Variants in PRR12 observed in about 807,000 individuals in gnomAD.
PRR12 encodes proline-rich protein 12.
In PRR12, 12 loss-of-function variants were observed where a neutral mutation model predicts 138.0. That is an observed-to-expected ratio of 0.09 (90% CI 0.06 to 0.14). PRR12 has a LOEUF of 0.14. Ranked by LOEUF, PRR12 falls within the 10% of genes least tolerant of loss-of-function variation. The probability of loss-of-function intolerance (pLI) is 1.00; values close to 1 mark genes in which losing one functional copy is unlikely to be tolerated. For missense variants in PRR12, 2,692 were observed against 2,861.3 expected, an observed-to-expected ratio of 0.94 and a Z score of 1.35; for synonymous variants, 1,567 against 1,291.7, an observed-to-expected ratio of 1.21 and a Z score of -4.57.
intron 6 of PRR12, among the ~76,000 whole-genome samples, chr19:49,613,494 C>CAA (rs1035744456): frequency 3.9e-5 from 6 of 152,224 alleles, no homozygotes; most frequent in Admixed American, 6.5e-5. Flanking sequence ...CAGTGTGACT[C>CAA]ACGTCCATCA....
At chr19:49,598,332 C>T (rs1449999080) in intron 4 of PRR12, among the ~76,000 whole-genome samples, 1 of 152,116 alleles carries the variant, frequency 6.6e-6, no homozygotes, top group Non-Finnish European at 1.5e-5. Flanking sequence ...CCTCGGCCTC[C>T]CAAAGTGCTG....
At chr19:49,610,811 G>A (rs966664818) in intron 6 of PRR12, among the ~76,000 whole-genome samples, 7 of 151,724 alleles carry the variant, frequency 4.6e-5, no homozygotes, top group South Asian at 2.1e-4. Flanking sequence ...CCAAAGTGCT[G>A]GGATTACAGA....
Position 49,615,796 on chromosome 19 carries a change from C to T in PRR12, c.5074C>T (p.Pro1692Ser). The change falls in exon 9 of 14, where the codon CCT (proline) becomes TCT (serine). Residue 1692 changes from proline (P) to serine (S), a missense_variant. Physicochemically the swap from Pro to Ser is moderately conservative, Grantham distance 74. Transcript: ENST00000418929. ...NPVSAGGSSA[P>S]PPKAPAPPPK... is the part of the protein sequence containing the mutation. ...CGTATCTGCTGGGGGTAGCTCTGCA[C>T]CTCCCCCTAAGGCCCCAGCACCACC... is the stretch of plus-strand genomic sequence containing the variant. 3.1e-6 allele frequency: 5 copies of T among 1,613,048 alleles called. No individual in the cohort carries two copies. The highest frequency in any genetic ancestry group is 4.2e-6 in the Non-Finnish European group (5 of 1,179,512).
In PRR12 at chr19:49,599,706, G is replaced by A. The variant is rs2080798742; in HGVS notation, c.4113G>A (p.Lys1371=). The change falls in exon 5 of 14, where the codon AAG becomes AAA. Residue 1371 remains lysine, a synonymous_variant. Transcript: ENST00000418929. This position sits in a 1 kb window ranked among gnomAD's most constrained non-coding sequence, Gnocchi z 5.0. Reference sequence around the variant, plus strand: ...GCAAGCGGCTTGATGAGGAGCTGAAGCGGAACCTCGAGACGCTGCCCTCCT... The same window carrying A: ...GCAAGCGGCTTGATGAGGAGCTGAAACGGAACCTCGAGACGCTGCCCTCCT... The part of the protein sequence containing the change: ...SPCKRLDEEL[K]RNLETLPSFS... The A allele has an allele frequency of 6.2e-7, 1 of 1,613,426 alleles. No individual in the cohort carries two copies. Among genetic ancestry groups the A allele is most frequent in the Admixed American group, 1.7e-5 (1 of 60,010 alleles).
At chr19:49,623,493 G>A (rs2080936234) in intron 11 of PRR12, among the ~76,000 whole-genome samples, 1 of 152,104 alleles carries the variant, frequency 6.6e-6, no homozygotes, top group African/African-American at 2.4e-5. Flanking sequence ...TTAGCCGGGT[G>A]TGGTGGTGGG....
chr19:49,618,773 G>T (rs543624616), intron 9 of PRR12, among the ~76,000 whole-genome samples: 2 of 148,446 alleles, frequency 1.3e-5, no homozygotes, highest in South Asian at 2.3e-4. Context: ...CCCTTTCCCA[G>T]GCCTGCCCAG....
chr19:49,625,055 G>C lies in PRR12; in HGVS notation c.5869-50G>C, dbSNP rs762092881. On this transcript the variant is annotated intron_variant, in intron 12 of 13. Coordinates refer to ENST00000418929, the MANE Select transcript of PRR12 (RefSeq NM_020719.3). The surrounding 1 kb of genome is among the most constrained non-coding windows in gnomAD (Gnocchi z 5.5). ...CGGTATGTGGGAAGGGAGGAGAGGGGCTGCCAAGTGCCGGGCTGGAGGGGC... is the reference window on the plus strand; with the variant it reads ...CGGTATGTGGGAAGGGAGGAGAGGGCCTGCCAAGTGCCGGGCTGGAGGGGC... 1 of 1,612,066 alleles carries C rather than the reference G, an allele frequency of 6.2e-7. No homozygotes were observed. Among genetic ancestry groups the C allele is most frequent in the Admixed American group, 1.7e-5 (1 of 59,952 alleles).
chr19:49,594,409 C>A lies in PRR12; in HGVS notation c.200-45C>A. The A allele has an allele frequency of 6.7e-7, 1 of 1,501,662 alleles. No individual in the cohort carries two copies. The highest frequency in any genetic ancestry group is 8.9e-7 in the Non-Finnish European group (1 of 1,117,544). The allele number at this position is 1,501,662 out of a possible 1,614,324, so 93.0% of individuals were successfully genotyped here. ...CTTCCCTTTCTCTCTTGACTGTATC[C>A]TACCCACCCCCACCTGGCTGACTAT... On this transcript the variant is annotated intron_variant, in intron 2 of 13. Coordinates refer to ENST00000418929, the MANE Select transcript of PRR12 (RefSeq NM_020719.3). The surrounding 1 kb of genome is among the most constrained non-coding windows in gnomAD (Gnocchi z 5.6).
At position 49,616,051 on chromosome 19, in the gene PRR12, G is replaced by A; in HGVS notation, c.5329G>A (p.Ala1777Thr). 1 of 1,561,480 alleles carries A rather than the reference G, an allele frequency of 6.4e-7. No individual in the cohort carries two copies. Among genetic ancestry groups the A allele is most frequent in the Non-Finnish European group, 8.7e-7 (1 of 1,153,378 alleles). Residue 1777 changes from alanine to threonine, a missense_variant, in exon 9 of 14, where the codon GCC becomes ACC. Transcript: ENST00000418929. This position sits in a 1 kb window ranked among gnomAD's most constrained non-coding sequence, Gnocchi z 4.2. Reference protein sequence around the residue: ...PERSLATGQPATSRLPKARPT... With the variant: ...PERSLATGQPTTSRLPKARPT... The stretch of plus-strand genomic sequence containing the variant: ...GCGGAGTCTCGCCACGGGACAACCT[G>A]CCACATCCCGGCTGCCCAAAGCCCG...
Position 49,596,782 on chromosome 19 carries a change from C to T in PRR12, c.2447C>T (p.Ala816Val), listed in dbSNP as rs761902754. ...CATGCCCCCAGTCCCTCTCCCAGCG[C>T]CTCCAAAGTCGGCGTCCACCTCCTT... ...LSHAPSPSPS[A>V]SKVGVHLLEP... Residue 816 changes from alanine to valine, a missense_variant, in exon 4 of 14, where the codon GCC becomes GTC. This residue lies in a region of PRR12 where 840 missense variants were observed against 689.8 expected (regional missense o/e 1.22). Coordinates refer to ENST00000418929, the MANE Select transcript of PRR12 (RefSeq NM_020719.3). This position sits in a 1 kb window ranked among gnomAD's most constrained non-coding sequence, Gnocchi z 5.6. The T allele has an allele frequency of 3.7e-6, 6 of 1,602,776 alleles. No individual in the cohort carries two copies. Among genetic ancestry groups the T allele is most frequent in the Non-Finnish European group, 5.1e-6 (6 of 1,179,352 alleles).
Position 49,614,668 on chromosome 19 carries a change from C to T in PRR12, c.4890+19C>T, listed in dbSNP as rs372586287. 2.0e-5 allele frequency: 31 copies of T among 1,550,036 alleles called. No individual in the cohort carries two copies. In the African/African-American group the frequency reaches 3.3e-4, roughly 16 times the overall value. The stretch of plus-strand genomic sequence containing the variant: ...CAGTAATGTAAGCCTGCAAAGGGGA[C>T]CAAGGACTTGGGGGCCCCGGGGCGT... On this transcript the variant is annotated intron_variant, in intron 7 of 13. Coordinates refer to ENST00000418929, the MANE Select transcript of PRR12 (RefSeq NM_020719.3). This position sits in a 1 kb window ranked among gnomAD's most constrained non-coding sequence, Gnocchi z 5.0.
Position 49,599,909 on chromosome 19 carries a change from T to C in PRR12, c.4316T>C (p.Leu1439Pro), listed in dbSNP as rs946127497. The change falls in exon 5 of 14, where the codon CTC becomes CCC. Residue 1439 changes from leucine to proline, a missense_variant. Leu to Pro is a moderately conservative substitution (Grantham distance 98, BLOSUM62 -3). This residue lies in a region of PRR12 where 231 missense variants were observed against 200.8 expected (regional missense o/e 1.15). Transcript: ENST00000418929. The surrounding 1 kb of genome is among the most constrained non-coding windows in gnomAD (Gnocchi z 5.0). ...CCAGGGCCACCCCCTCTTCCGGGGC[T>C]CCCCAGTGCCAACAGCAATGGCACT... Reference protein sequence around the residue: ...AVPGPPPLPGLPSANSNGTPE... With the variant: ...AVPGPPPLPGPPSANSNGTPE... 2 of 1,607,690 alleles carry C rather than the reference T, an allele frequency of 1.2e-6. No homozygotes were observed. Among genetic ancestry groups the C allele is most frequent in the African/African-American group, 2.7e-5 (2 of 74,772 alleles).
chr19:49,618,387 TC>T (rs1023222122), intron 9 of PRR12, among the ~76,000 whole-genome samples: 7 of 150,428 alleles, frequency 4.7e-5, no homozygotes, highest in Non-Finnish European at 1.0e-4. Context: ...CTTTTCCTTT[TC>T]TTTTCTTTTT....
rs2080759356 is a variant in PRR12 at position 49,595,381 on chromosome 19, C to T, written c.1046C>T (p.Ala349Val). 11 of 1,541,064 alleles carry T rather than the reference C, an allele frequency of 7.1e-6. No individual in the cohort carries two copies. Among genetic ancestry groups the T allele is most frequent in the Non-Finnish European group, 8.7e-6 (10 of 1,142,948 alleles). Residue 349 changes from alanine (A) to valine (V), a missense_variant, in exon 4 of 14, where the codon GCT becomes GTT. By Grantham distance (64) the Ala-to-Val change is moderately conservative. Transcript: ENST00000418929. ...CCGGGTGCTGGGGAGCCTAGCAAGG[C>T]TGGTCCCAGCGGAGCCACGGCTGGG... ...PSPGAGEPSK[A>V]GPSGATAGAS...
chr19:49,611,083 C>T lies in PRR12; in HGVS notation c.4774-3450C>T, dbSNP rs532537997. Among the ~76,000 whole-genome samples the T allele has an allele frequency of 3.7e-4, 56 of 152,032 alleles. No individual in the cohort carries two copies. The South Asian group carries it at 7.3e-3, about 20-fold the overall frequency. On this transcript the variant is annotated intron_variant, in intron 6 of 13. Transcript: ENST00000418929. ...TCTTGAACTACTGACCTCAGGTGAT[C>T]CATCTGCCTCGGCCTTCCAAAGCGT...
chr19:49,605,611 A>G (rs2080834417), intron 6 of PRR12, among the ~76,000 whole-genome samples: 1 of 152,230 alleles, frequency 6.6e-6, no homozygotes, highest in Non-Finnish European at 1.5e-5. Flanking sequence ...TGTACGTTCT[A>G]GTCAAACGCA....
At chr19:49,619,778 G>A (rs1284462761) in intron 9 of PRR12, among the ~76,000 whole-genome samples, 1 of 151,056 alleles carries the variant, frequency 6.6e-6, no homozygotes, top group African/African-American at 2.4e-5. Flanking sequence ...CCGACCTCAG[G>A]TGATCTGCCT....
rs573612713 is a variant in PRR12 at position 49,608,444 on chromosome 19, C to T, written c.4774-6089C>T. 3.9e-5 allele frequency among the ~76,000 whole-genome samples: 6 copies of T among 152,216 alleles called. No individual in the cohort carries two copies. In the South Asian group the frequency reaches 8.3e-4, roughly 21 times the overall value. ...TGCACCTCCACCTCCCGGGTTCAAGCGATTCTTCTCCTTAGCCTCCCGAGT... is the reference window on the plus strand; with the variant it reads ...TGCACCTCCACCTCCCGGGTTCAAGTGATTCTTCTCCTTAGCCTCCCGAGT... On this transcript the variant is annotated intron_variant, in intron 6 of 13. Coordinates refer to ENST00000418929, the MANE Select transcript of PRR12 (RefSeq NM_020719.3).
intron 9 of PRR12, among the ~76,000 whole-genome samples, chr19:49,619,820 G>C (rs1339074437): frequency 6.8e-6 from 1 of 147,280 alleles, no homozygotes; most frequent in African/African-American, 2.5e-5. Flanking sequence ...GGGATTGCAG[G>C]CCACAGCACT....
Sources: allele counts gnomAD v4.1 joint callset (sites outside exome capture counted in the v4.1 genomes callset), GRCh38; gene constraint gnomAD v4.1.1; regional missense constraint gnomAD v4.1.1; non-coding constraint Gnocchi (gnomAD v3.1); transcripts MANE v1.5; gene names NCBI Gene and HGNC (gene_info 2026-07-23, HGNC 2026-07-21).